Variants in SMIM13 observed in about 807,000 individuals in gnomAD.
SMIM13 encodes the protein UPF0766 protein C6orf228.
In SMIM13, 3 loss-of-function variants were observed where a neutral mutation model predicts 5.9. The observed-to-expected ratio is 0.51, with a 90% CI of 0.23 to 1.31. SMIM13 has a LOEUF of 1.31. SMIM13 is among the 40% of genes most tolerant of loss of function. SMIM13 has a pLI of 0.18. For missense variants in SMIM13, 85 were observed against 109.9 expected (o/e 0.77, Z 1.01); for synonymous variants, 55 against 46.0 (o/e 1.19, Z -0.79).
At position 11,094,357 on chromosome 6, in the gene SMIM13, C is replaced by T; in HGVS notation, c.44C>T (p.Thr15Met). Residue 15 changes from threonine (T) to methionine (M), a missense_variant, in exon 1 of 2, where the codon ACG becomes ATG. Coordinates refer to ENST00000416247, the MANE Select transcript of SMIM13 (RefSeq NM_001135575.2). Reference protein sequence around the residue: ...VGLTLLVFVATLLIVLLLMVC... With the variant: ...VGLTLLVFVAMLLIVLLLMVC... ...CTGACTCTGCTTGTGTTCGTGGCCA[C>T]GCTGCTGATCGTCCTGCTGCTGATG... is the stretch of plus-strand genomic sequence containing the variant. 1 of 1,537,358 alleles carries T rather than the reference C, an allele frequency of 6.5e-7. No homozygotes were observed. Among genetic ancestry groups the T allele is most frequent in the Non-Finnish European group, 8.7e-7 (1 of 1,143,806 alleles).
intron 1 of SMIM13, chr6:11,104,523 G>T: frequency 6.4e-7 from 1 of 1,569,876 alleles, no homozygotes; most frequent in South Asian, 1.2e-5. Flanking sequence ...GTAGCTGGTG[G>T]CTATAGTCAT....
At chr6:11,114,584 C>T (rs1343439084) in intron 1 of SMIM13, among the ~76,000 whole-genome samples, 6 of 78,614 alleles carry the variant, frequency 7.6e-5, no homozygotes, top group South Asian at 4.6e-4. Flanking sequence ...TGGTCATGCA[C>T]TTTTTCTCTT....
chr6:11,127,983 ACATCAGGAGG>A (rs1758400283), intron 1 of SMIM13, among the ~76,000 whole-genome samples: 1 of 152,156 alleles, frequency 6.6e-6, no homozygotes, highest in Non-Finnish European at 1.5e-5. Flanking sequence ...GGAATTGGGG[ACATCAGGAGG>A]CTGCTTGGTA....
rs529633654 is a variant in SMIM13, at chr6:11,115,270, T to C, written c.77-19133T>C. ...TAAGACAACGCACAGTTATTAGATA[T>C]CAGTTTCTGTGGGTCAGGAGTCTCC... is the stretch of plus-strand genomic sequence containing the variant. On this transcript the variant is annotated intron_variant, in intron 1 of 1. Transcript: ENST00000416247. Among the ~76,000 whole-genome samples, 15 of 152,296 alleles carry C rather than the reference T, an allele frequency of 9.8e-5. No individual in the cohort carries two copies. The East Asian group carries it at 2.1e-3, about 22-fold the overall frequency.
intron 1 of SMIM13, among the ~76,000 whole-genome samples, chr6:11,132,045 A>AAAGT (rs1324866781): frequency 6.6e-6 from 1 of 152,190 alleles, no homozygotes; most frequent in East Asian, 1.9e-4. Flanking sequence ...TAATAGCTAG[A>AAAGT]ATATACTAAG....
At chr6:11,129,280 A>T (rs986263051) in intron 1 of SMIM13, among the ~76,000 whole-genome samples, 1 of 152,172 alleles carries the variant, frequency 6.6e-6, no homozygotes, top group African/African-American at 2.4e-5. Context: ...AGATGATGTG[A>T]TATTTGTCTT....
At chr6:11,122,914 A>G (rs1349182719) in intron 1 of SMIM13, among the ~76,000 whole-genome samples, 4 of 152,024 alleles carry the variant, frequency 2.6e-5, no homozygotes, top group Non-Finnish European at 5.9e-5. Context: ...AAATCTCAAA[A>G]AACACCCATG....
chr6:11,127,736 A>G (rs148567046), intron 1 of SMIM13, among the ~76,000 whole-genome samples: 41 of 152,346 alleles, frequency 2.7e-4, no homozygotes, highest in African/African-American at 8.7e-4. Context: ...CCATGATTCA[A>G]TTATCTCCCA....
intron 1 of SMIM13, chr6:11,104,897 GC>G: frequency 6.2e-7 from 1 of 1,614,220 alleles, no homozygotes; most frequent in Non-Finnish European, 8.5e-7. Context: ...TTGGAAGAGT[GC>G]CTACATTTGT....
intron 1 of SMIM13, among the ~76,000 whole-genome samples, chr6:11,115,595 T>C (rs1206409449): frequency 6.6e-6 from 1 of 152,136 alleles, no homozygotes; most frequent in Non-Finnish European, 1.5e-5. Context: ...AGTTTCAAAA[T>C]CCCTTCATCT....
intron 1 of SMIM13, among the ~76,000 whole-genome samples, chr6:11,120,963 A>G (rs1415507750): frequency 6.6e-6 from 1 of 151,958 alleles, no homozygotes; most frequent in Non-Finnish European, 1.5e-5. Context: ...ATCTATCACA[A>G]CCCTTCTGCT....
At chr6:11,122,324 G>A (rs974243806) in intron 1 of SMIM13, among the ~76,000 whole-genome samples, 1 of 152,186 alleles carries the variant, frequency 6.6e-6, no homozygotes, top group Non-Finnish European at 1.5e-5. Flanking sequence ...AACTAGAATC[G>A]TTCCACTGGA....
intron 1 of SMIM13, among the ~76,000 whole-genome samples, chr6:11,117,250 G>A (rs1244551771): frequency 2.1e-5 from 3 of 140,768 alleles, no homozygotes; most frequent in Non-Finnish European, 3.1e-5. Flanking sequence ...TGCAAGCTCT[G>A]CCTCCCGGGT....
chr6:11,116,717 G>A (rs1031854920), intron 1 of SMIM13, among the ~76,000 whole-genome samples: 13 of 152,100 alleles, frequency 8.5e-5, no homozygotes, highest in Middle Eastern at 3.4e-3. Flanking sequence ...GTCCTTTCTT[G>A]TTTGTTTGTA....
chr6:11,109,001 G>A (rs1758131045), intron 1 of SMIM13, among the ~76,000 whole-genome samples: 1 of 152,168 alleles, frequency 6.6e-6, no homozygotes, highest in African/African-American at 2.4e-5. Context: ...TCAGATAGAG[G>A]AACATGTGGG....
intron 1 of SMIM13, among the ~76,000 whole-genome samples, chr6:11,132,477 A>G (rs1342042669): frequency 1.3e-5 from 2 of 152,256 alleles, no homozygotes; most frequent in Non-Finnish European, 2.9e-5. Context: ...TGCAGTCAAA[A>G]AGTGGCAACT....
At chr6:11,118,910 T>C (rs1758276015) in intron 1 of SMIM13, among the ~76,000 whole-genome samples, 1 of 152,228 alleles carries the variant, frequency 6.6e-6, no homozygotes, top group Admixed American at 6.5e-5. Flanking sequence ...CTGAAGCACA[T>C]AGAGGTTAAC....
chr6:11,108,163 GT>G (rs1758114734), intron 1 of SMIM13, among the ~76,000 whole-genome samples: 1 of 152,212 alleles, frequency 6.6e-6, no homozygotes. Context: ...AGAAAAGACG[GT>G]TTTCCCCCAG....
chr6:11,132,756 C>A (rs763366535), intron 1 of SMIM13, among the ~76,000 whole-genome samples: 1 of 152,022 alleles, frequency 6.6e-6, no homozygotes, highest in Non-Finnish European at 1.5e-5. Context: ...TTAGAGGTTG[C>A]CAGGGGCAAG....
Sources: allele counts gnomAD v4.1 joint callset (sites outside exome capture counted in the v4.1 genomes callset), GRCh38; gene constraint gnomAD v4.1.1; transcripts MANE v1.5; gene names NCBI Gene and HGNC (gene_info 2026-07-23, HGNC 2026-07-21).